The following DGKB variants were observed in gnomAD, a reference collection of about 807,000 sequenced individuals.
The protein encoded by DGKB is 90 kDa diacylglycerol kinase.
DGKB carries 67 observed loss-of-function variants against 114.3 expected under a neutral mutation model. The ratio of observed to expected loss-of-function variants is 0.59; its 90% CI spans 0.48 to 0.72. DGKB has a LOEUF of 0.72. Ranked by LOEUF, DGKB falls within the 30% of genes least tolerant of loss-of-function variation. DGKB has a pLI of 0.00. For missense variants in DGKB, 907 were observed against 975.2 expected, an observed-to-expected ratio of 0.93 and a Z score of 0.93; for synonymous variants, 398 against 323.1, an observed-to-expected ratio of 1.23 and a Z score of -2.49.
At position 14,756,671 on chromosome 7, in the gene DGKB, A is replaced by G. The variant is rs1198930617; in HGVS notation, c.147+984T>C. Among the ~76,000 whole-genome samples, 8 of 152,132 alleles carry G rather than the reference A, an allele frequency of 5.3e-5. No homozygotes were observed. In the East Asian group the frequency reaches 1.5e-3, roughly 29 times the overall value. On this transcript the variant is annotated intron_variant, in intron 3 of 25. Coordinates refer to ENST00000402815, the MANE Select transcript of DGKB (RefSeq NM_001350709.2). ...GAATATCTTGAGGGTTATGATAACT[A>G]AAATTAAGTTCTAGAAATCCCAGGG...
At chr7:14,297,056 A>G (rs1802711085) in intron 23 of DGKB, among the ~76,000 whole-genome samples, 2 of 152,198 alleles carry the variant, frequency 1.3e-5, no homozygotes, top group South Asian at 4.1e-4. Flanking sequence ...AAATTGAGAC[A>G]GTAATTAATA....
intron 20 of DGKB, among the ~76,000 whole-genome samples, chr7:14,550,548 G>A (rs1024812283): frequency 2.6e-5 from 4 of 152,146 alleles, no homozygotes; most frequent in Admixed American, 1.3e-4. Context: ...CATTACAGCA[G>A]TATAGCATTA....
intron 1 of DGKB, among the ~76,000 whole-genome samples, chr7:14,891,936 A>G (rs1781302067): frequency 6.6e-6 from 1 of 151,390 alleles, no homozygotes; most frequent in South Asian, 2.1e-4. Context: ...GTGATTTTCA[A>G]TAGCATTCAA....
In DGKB at chr7:14,706,978, G is replaced by C. The variant is rs1158174846; in HGVS notation, c.467-5248C>G. Among the ~76,000 whole-genome samples, 630 of 149,396 alleles carry C rather than the reference G, an allele frequency of 4.2e-3. 4 individuals are homozygous for C. Among genetic ancestry groups the C allele is most frequent in the African/African-American group, 0.014 (551 of 40,192 alleles). ...AAATAACTAAAATCAGAGCAGAACT[G>C]AAGGAAATAGAGACACAAAAAACCC... On this transcript the variant is annotated intron_variant, in intron 6 of 25. Coordinates refer to ENST00000402815, the MANE Select transcript of DGKB (RefSeq NM_001350709.2).
intron 1 of DGKB, among the ~76,000 whole-genome samples, chr7:14,897,759 C>T (rs962592800): frequency 6.6e-6 from 1 of 151,884 alleles, no homozygotes; most frequent in Non-Finnish European, 1.5e-5. Context: ...ATGACTTCTA[C>T]TTATTAAAAT....
At chr7:14,905,820 G>T (rs10235445), upstream of DGKB, among the ~76,000 whole-genome samples, 56,219 of 152,030 alleles carry the variant, frequency 0.37, 12,817 homozygotes, top group East Asian at 0.88. Context: ...GTAAAATAAC[G>T]TTTGAATACG....
intron 21 of DGKB, among the ~76,000 whole-genome samples, chr7:14,383,614 C>T (rs1019537672): frequency 6.6e-6 from 1 of 152,084 alleles, no homozygotes; most frequent in African/African-American, 2.4e-5. Flanking sequence ...CTCCAGCCCG[C>T]GTATCAATGT....
intron 20 of DGKB, among the ~76,000 whole-genome samples, chr7:14,532,656 T>C (rs1250454110): frequency 6.6e-6 from 1 of 151,244 alleles, no homozygotes; most frequent in Non-Finnish European, 1.5e-5. Flanking sequence ...AGTGACAAAA[T>C]TGAAATGAAA....
Position 14,886,230 on chromosome 7 carries a change from A to G in DGKB, c.-188+16362T>C, listed in dbSNP as rs1244707530. Among the ~76,000 whole-genome samples, 3 of 152,010 alleles carry G rather than the reference A, an allele frequency of 2.0e-5. No individual in the cohort carries two copies. In the South Asian group the frequency reaches 6.2e-4, roughly 32 times the overall value. On this transcript the variant is annotated intron_variant, in intron 1 of 25. Coordinates refer to ENST00000402815, the MANE Select transcript of DGKB (RefSeq NM_001350709.2). ...TAGAATTTCAATTAGCCAATATGGA[A>G]GCTGGGAGGTTACTAGAAAGAGGGA...
chr7:14,400,949 T>A (rs1322073711), intron 21 of DGKB, among the ~76,000 whole-genome samples: 1 of 151,774 alleles, frequency 6.6e-6, no homozygotes, highest in African/African-American at 2.4e-5. Flanking sequence ...TATCCTTGAC[T>A]GCCTCCCCAC....
At chr7:14,236,844 G>A (rs1429436894) in intron 23 of DGKB, among the ~76,000 whole-genome samples, 2 of 151,810 alleles carry the variant, frequency 1.3e-5, no homozygotes, top group African/African-American at 4.8e-5. Flanking sequence ...AAACAGTCGT[G>A]TAGACCCCTA....
In DGKB at chr7:14,545,239, G is replaced by A. The variant is rs144365847; in HGVS notation, c.1770+28973C>T. On this transcript the variant is annotated intron_variant, in intron 20 of 25. Transcript: ENST00000402815. The stretch of plus-strand genomic sequence containing the variant: ...TTTTTTCAGTTGCAAAAGACAACTC[G>A]GGGGAAAAATGATTAAGGGTGAGAG... Among the ~76,000 whole-genome samples the A allele has an allele frequency of 1.5e-4, 23 of 152,094 alleles. 1 individual carries two copies. The East Asian group carries it at 3.1e-3, about 21-fold the overall frequency.
chr7:14,789,961 T>C (rs1230925538), intron 2 of DGKB, among the ~76,000 whole-genome samples: 1 of 152,192 alleles, frequency 6.6e-6, no homozygotes. Flanking sequence ...GTTGATGTCG[T>C]TACCAATTTT....
At chr7:14,830,898 A>G (rs1215057466) in intron 2 of DGKB, among the ~76,000 whole-genome samples, 1 of 151,396 alleles carries the variant, frequency 6.6e-6, no homozygotes, top group Non-Finnish European at 1.5e-5. Context: ...TGTAAGAAAA[A>G]CTGTGTGCAC....
At chr7:14,849,425 T>C (rs986439705) in intron 1 of DGKB, among the ~76,000 whole-genome samples, 2 of 152,134 alleles carry the variant, frequency 1.3e-5, no homozygotes, top group Admixed American at 6.6e-5. Context: ...TTAATGCCTT[T>C]ATAAAAGGGC....
chr7:14,516,087 A>T (rs556171761), intron 20 of DGKB, among the ~76,000 whole-genome samples: 1 of 152,248 alleles, frequency 6.6e-6, no homozygotes, highest in East Asian at 1.9e-4. Context: ...AGCTCAAGCA[A>T]TCTGCCCACC....
chr7:14,283,679 G>C (rs909744444), intron 23 of DGKB, among the ~76,000 whole-genome samples: 2 of 151,390 alleles, frequency 1.3e-5, no homozygotes, highest in African/African-American at 4.9e-5. Context: ...TAGATCAATG[G>C]AAAAGAACAG....
intron 1 of DGKB, among the ~76,000 whole-genome samples, chr7:14,883,823 A>G (rs368022262): frequency 2.6e-5 from 4 of 152,164 alleles, no homozygotes; most frequent in African/African-American, 9.6e-5. Flanking sequence ...AAAGAAGCAC[A>G]TATACATTTT....
At chr7:14,494,632 G>T (rs1785048858) in intron 20 of DGKB, among the ~76,000 whole-genome samples, 1 of 151,896 alleles carries the variant, frequency 6.6e-6, no homozygotes, top group South Asian at 2.1e-4. Flanking sequence ...GGGACACCTT[G>T]TATTGCAATG....
Sources: gnomAD v4.1 joint callset for allele counts (sites outside exome capture counted in the v4.1 genomes callset) on GRCh38, gnomAD v4.1.1 for gene constraint, MANE v1.5 for transcripts, NCBI Gene and HGNC (gene_info 2026-07-23, HGNC 2026-07-21) for gene names.